The following TMEM163 variants were observed in gnomAD, a reference collection of about 807,000 sequenced individuals.
TMEM163 encodes transmembrane protein 163.
Under a neutral mutation model 29.3 loss-of-function variants are expected in TMEM163, and 17 were observed. That is an observed-to-expected ratio of 0.58 (90% CI 0.40 to 0.87). The LOEUF (loss-of-function observed/expected upper bound fraction) is 0.87. Among genes scored for constraint, TMEM163 ranks in the 40% least tolerant of loss-of-function variants. The pLI is 0.00. For synonymous variants in TMEM163, 157 were observed against 160.6 expected (o/e 0.98, Z 0.17); for missense variants, 303 against 381.5 (o/e 0.79, Z 1.71).
chr2:134,713,068 G>A (rs2104900969), intron 2 of TMEM163, 132 bp downstream of exon 2: 1 of 1,344,360 alleles, frequency 7.4e-7, no homozygotes, highest in East Asian at 2.4e-5. Flanking sequence ...TCAGTACCCT[G>A]ACTATCCAAC....
chr2:134,717,385 G>C (rs1685059001), intron 1 of TMEM163, among the ~76,000 whole-genome samples: 1 of 152,168 alleles, frequency 6.6e-6, no homozygotes, highest in South Asian at 2.1e-4. Flanking sequence ...GAGAACAGGG[G>C]GAGAAACTGC....
chr2:134,475,430 G>C (rs930061420), intron 5 of TMEM163, among the ~76,000 whole-genome samples: 20 of 152,086 alleles, frequency 1.3e-4, no homozygotes, highest in Admixed American at 1.2e-3. Flanking sequence ...GTATGACCTT[G>C]GGTTAGGCAA....
rs560032212 is a variant in TMEM163, at chr2:134,623,724, G to A, written c.323-71633C>T. Among the ~76,000 whole-genome samples the A allele has an allele frequency of 3.5e-3, 529 of 152,212 alleles. 6 individuals carry two copies. The highest frequency in any genetic ancestry group is 0.012 in the African/African-American group (499 of 41,532). ...AGAGGTTACGGTGAGCCGAGATAGC[G>A]CCATTGCACTCCAGCCTGGGAAACA... On this transcript the variant is annotated intron_variant, in intron 2 of 7. Coordinates refer to ENST00000281924, the MANE Select transcript of TMEM163 (RefSeq NM_030923.5).
chr2:134,537,417 T>TA (rs1680564015), intron 4 of TMEM163, among the ~76,000 whole-genome samples: 1 of 152,146 alleles, frequency 6.6e-6, no homozygotes, highest in Non-Finnish European at 1.5e-5. Flanking sequence ...ACTGTGTCCT[T>TA]ACAAGGCAGG....
At chr2:134,595,886 A>C (rs1231092622) in intron 2 of TMEM163, among the ~76,000 whole-genome samples, 6 of 152,116 alleles carry the variant, frequency 3.9e-5, no homozygotes, top group Non-Finnish European at 4.4e-5. Flanking sequence ...GCATTTTTTC[A>C]TGTGTCTGTT....
At chr2:134,674,701 A>G (rs1488101520) in intron 2 of TMEM163, among the ~76,000 whole-genome samples, 3 of 152,064 alleles carry the variant, frequency 2.0e-5, no homozygotes, top group Admixed American at 2.0e-4. Flanking sequence ...ATAGAGCCAA[A>G]GAAGGCCATG....
chr2:134,540,255 T>C (rs534351172), intron 4 of TMEM163, among the ~76,000 whole-genome samples: 1 of 152,338 alleles, frequency 6.6e-6, no homozygotes, highest in South Asian at 2.1e-4. Context: ...TGCGGCCCAG[T>C]TACTTGTCAT....
intron 5 of TMEM163, among the ~76,000 whole-genome samples, chr2:134,472,760 G>A (rs1001851056): frequency 3.3e-5 from 5 of 152,128 alleles, no homozygotes; most frequent in African/African-American, 7.2e-5. Flanking sequence ...TGACATTTAC[G>A]GAACATCTAC....
chr2:134,459,841 A>G (rs1315643543), intron 6 of TMEM163, among the ~76,000 whole-genome samples: 1 of 151,518 alleles, frequency 6.6e-6, no homozygotes, highest in Non-Finnish European at 1.5e-5. Flanking sequence ...CCCTCTGCCA[A>G]TCCATGAGCC....
intron 2 of TMEM163, among the ~76,000 whole-genome samples, chr2:134,649,825 G>A (rs2104846612): frequency 6.6e-6 from 1 of 151,804 alleles, no homozygotes; most frequent in Admixed American, 6.6e-5. Flanking sequence ...ACCAACCTGG[G>A]CAATGTAGTG....
chr2:134,465,299 C>A (rs2106473987), intron 6 of TMEM163, among the ~76,000 whole-genome samples: 1 of 151,766 alleles, frequency 6.6e-6, no homozygotes, highest in South Asian at 2.1e-4. Context: ...TATACATATA[C>A]AGACACATAT....
intron 6 of TMEM163, among the ~76,000 whole-genome samples, chr2:134,462,644 A>G (rs1055446619): frequency 2.0e-5 from 3 of 152,244 alleles, no homozygotes; most frequent in Non-Finnish European, 1.5e-5. Context: ...TGATGGATTC[A>G]TGTGCGCAAA....
intron 2 of TMEM163, among the ~76,000 whole-genome samples, chr2:134,704,160 G>T (rs989363429): frequency 6.6e-6 from 1 of 152,070 alleles, no homozygotes; most frequent in Non-Finnish European, 1.5e-5. Flanking sequence ...TCTTTCAGGT[G>T]CTCCAGGGGT....
chr2:134,628,176 A>G (rs1425853107), intron 2 of TMEM163, among the ~76,000 whole-genome samples: 4 of 152,236 alleles, frequency 2.6e-5, no homozygotes, highest in African/African-American at 9.6e-5. Flanking sequence ...TCATGAATCT[A>G]TCTATAGAAA....
At chr2:134,606,680 C>A (rs1199626920) in intron 2 of TMEM163, among the ~76,000 whole-genome samples, 1 of 152,156 alleles carries the variant, frequency 6.6e-6, no homozygotes, top group East Asian at 1.9e-4. Flanking sequence ...GCTGTGGCAA[C>A]CGGCCAGTGG....
chr2:134,478,298 G>A (rs1034792616), intron 5 of TMEM163, among the ~76,000 whole-genome samples: 10 of 152,194 alleles, frequency 6.6e-5, no homozygotes, highest in Non-Finnish European at 1.2e-4. Flanking sequence ...TTGGAATTGG[G>A]TAATGGGCAG....
At chr2:134,693,304 G>A (rs1270980410) in intron 2 of TMEM163, among the ~76,000 whole-genome samples, 4 of 152,064 alleles carry the variant, frequency 2.6e-5, no homozygotes, top group Non-Finnish European at 5.9e-5. Flanking sequence ...AGCAATTGTA[G>A]GTGATCAAAA....
At chr2:134,492,821 T>C (rs1679458938) in intron 5 of TMEM163, among the ~76,000 whole-genome samples, 1 of 152,148 alleles carries the variant, frequency 6.6e-6, no homozygotes, top group Admixed American at 6.5e-5. Context: ...TGTGTAAGAG[T>C]CTTTGTGCAG....
chr2:134,697,077 C>A (rs1016238177), intron 2 of TMEM163, among the ~76,000 whole-genome samples: 10 of 151,990 alleles, frequency 6.6e-5, no homozygotes, highest in African/African-American at 2.4e-4. Context: ...TGCCCGGCTT[C>A]CCTTAGCTTT....
Sources: gnomAD v4.1 joint callset for allele counts (sites outside exome capture counted in the v4.1 genomes callset) on GRCh38, gnomAD v4.1.1 for gene constraint, MANE v1.5 for transcripts, NCBI Gene and HGNC (gene_info 2026-07-23, HGNC 2026-07-21) for gene names.